The following RICTOR variants were observed in gnomAD, a reference collection of about 807,000 sequenced individuals.
RICTOR encodes the protein rapamycin-insensitive companion of mTOR.
Under a neutral mutation model 214.9 loss-of-function variants are expected in RICTOR, and 49 were observed. The observed-to-expected ratio is 0.23, with a 90% confidence interval of 0.18 to 0.29. The LOEUF (loss-of-function observed/expected upper bound fraction) is 0.29, where lower values mean the gene tolerates loss of function less well. RICTOR is among the 10% of genes least tolerant of loss of function. The probability of loss-of-function intolerance (pLI) is 1.00; values close to 1 mark genes in which losing one functional copy is unlikely to be tolerated. For missense variants in RICTOR, 1,625 were observed against 2,047.0 expected, an observed-to-expected ratio of 0.79 and a Z score of 3.98; for synonymous variants, 717 against 711.3, an observed-to-expected ratio of 1.01 and a Z score of -0.13.
rs189626571 is a variant in RICTOR, at chr5:39,070,827, G to A, written c.97+3284C>T. ...AGTCTATCCTTGCAGTACAAATGGCGAGAGGAAGCATTTGGGCTTCAAAAT... is the reference window on the plus strand; with the variant it reads ...AGTCTATCCTTGCAGTACAAATGGCAAGAGGAAGCATTTGGGCTTCAAAAT... On this transcript the variant is annotated intron_variant, in intron 2 of 37. Transcript: ENST00000357387. Among the ~76,000 whole-genome samples, 14 of 152,266 alleles carry A rather than the reference G, an allele frequency of 9.2e-5. No individual in the cohort carries two copies. In the East Asian group the frequency reaches 1.9e-3, roughly 21 times the overall value.
intron 10 of RICTOR, among the ~76,000 whole-genome samples, chr5:38,974,356 T>C (rs1397823937): frequency 6.6e-6 from 1 of 152,008 alleles, no homozygotes; most frequent in Non-Finnish European, 1.5e-5. Context: ...GATGAATCAT[T>C]ATAAAAGGGC....
chr5:39,028,175 CTTTT>C (rs70982535), intron 2 of RICTOR, among the ~76,000 whole-genome samples: 2 of 78,404 alleles, frequency 2.6e-5, no homozygotes, highest in African/African-American at 5.2e-5. Flanking sequence ...AACTGGAATT[CTTTT>C]TTTTTTTTTT....
Position 39,074,332 on chromosome 5 carries a change from G to A in RICTOR, c.46C>T (p.Arg16Ter). The change falls in exon 1 of 38, where the codon CGA (arginine) becomes TGA (stop). Residue 16 changes from arginine (R) to a stop codon, truncating the protein, a stop_gained. Transcript: ENST00000357387. LOFTEE classifies it high-confidence loss of function. ...RGRSLKNLRV[R>*]GRNDSGEENV... is the part of the protein sequence containing the mutation. The stretch of plus-strand genomic sequence containing the variant: ...GTGAGGGTTGCAGCGGGCTTACCTC[G>A]TACTCGGAGGTTCTTCAGAGAGCGG... 1 of 1,540,352 alleles carries A rather than the reference G, an allele frequency of 6.5e-7. No homozygotes were observed. Among genetic ancestry groups the A allele is most frequent in the South Asian group, 1.2e-5 (1 of 82,924 alleles).
Position 38,975,524 on chromosome 5 carries a change from T to C in RICTOR, c.889+13A>G, listed in dbSNP as rs373982836. 1.9e-6 allele frequency: 3 copies of C among 1,593,078 alleles called. No individual in the cohort carries two copies. Among genetic ancestry groups the C allele is most frequent in the African/African-American group, 1.3e-5 (1 of 74,632 alleles). Reference sequence around the variant, plus strand: ...TCTTCTTGGATGTTATAAAGCAATGTAGAGTAACCTACCTGCCCATGATCG... The same window carrying C: ...TCTTCTTGGATGTTATAAAGCAATGCAGAGTAACCTACCTGCCCATGATCG... On this transcript the variant is annotated intron_variant, in intron 10 of 37. Coordinates refer to ENST00000357387, the MANE Select transcript of RICTOR (RefSeq NM_152756.5).
At chr5:39,051,709 C>T (rs1253872215) in intron 2 of RICTOR, among the ~76,000 whole-genome samples, 4 of 151,780 alleles carry the variant, frequency 2.6e-5, no homozygotes, top group Admixed American at 1.3e-4. Flanking sequence ...GCCAAGATCA[C>T]GCCATTGCAC....
Position 38,962,532 on chromosome 5 carries a change from T to C in RICTOR, c.1621A>G (p.Lys541Glu), listed in dbSNP as rs369779198. The change falls in exon 18 of 38, where the codon AAA (lysine) becomes GAA (glutamate). Residue 541 changes from lysine (K) to glutamate (E), a missense_variant. Physicochemically the swap from Lys to Glu is moderately conservative, Grantham distance 56. Around this residue, in one of 5 missense-constraint regions of RICTOR, gnomAD observed 1,214 missense variants for 1,470.5 expected, o/e 0.83. Coordinates refer to ENST00000357387, the MANE Select transcript of RICTOR (RefSeq NM_152756.5). Reference sequence around the variant, plus strand: ...TTCCAATTCCATTCAAGATTCTCTTTATGTTGAAGGACTTGGCTATCTCTA... The same window carrying C: ...TTCCAATTCCATTCAAGATTCTCTTCATGTTGAAGGACTTGGCTATCTCTA... ...NLRDSQVLQHKENLEWNWNLI... is the reference protein window; with the variant it reads ...NLRDSQVLQHEENLEWNWNLI... 1.0e-5 allele frequency: 16 copies of C among 1,586,684 alleles called. No individual in the cohort carries two copies. The highest frequency in any genetic ancestry group is 1.2e-5 in the Non-Finnish European group (14 of 1,162,302).
rs535714482 is a variant in RICTOR at position 38,991,552 on chromosome 5, T to G, written c.457-477A>C. 1.4e-4 allele frequency among the ~76,000 whole-genome samples: 21 copies of G among 151,006 alleles called. No individual in the cohort carries two copies. The South Asian group carries it at 4.4e-3, about 32-fold the overall frequency. ...CTCCTCATGAAATTAATTGATTAAC[T>G]TGGGCCCTCACTCTCACTCTGACTA... On this transcript the variant is annotated intron_variant, in intron 6 of 37. Coordinates refer to ENST00000357387, the MANE Select transcript of RICTOR (RefSeq NM_152756.5).
intron 2 of RICTOR, among the ~76,000 whole-genome samples, chr5:39,066,248 G>T (rs1308736383): frequency 1.3e-5 from 2 of 152,246 alleles, no homozygotes; most frequent in African/African-American, 4.8e-5. Flanking sequence ...CTTTGAAGCA[G>T]CAGCCCGAAC....
chr5:38,949,472 T>A, intron 31 of RICTOR: 2 of 1,493,664 alleles, frequency 1.3e-6, no homozygotes, highest in Non-Finnish European at 1.8e-6. Context: ...GTGACTTGTA[T>A]GTCCTTTGCA....
chr5:39,035,805 A>G (rs1035872111), intron 2 of RICTOR, among the ~76,000 whole-genome samples: 25 of 152,236 alleles, frequency 1.6e-4, no homozygotes, highest in Non-Finnish European at 3.2e-4. Flanking sequence ...TCCAAGAAAT[A>G]TGGGACTATG....
At chr5:39,012,649 G>A (rs1754626489) in intron 3 of RICTOR, among the ~76,000 whole-genome samples, 1 of 152,094 alleles carries the variant, frequency 6.6e-6, no homozygotes, top group Admixed American at 6.5e-5. Context: ...TCATTAAAAT[G>A]TAATTCTGAC....
intron 5 of RICTOR, among the ~76,000 whole-genome samples, chr5:39,000,679 T>C (rs1363397349): frequency 1.3e-5 from 2 of 151,982 alleles, no homozygotes; most frequent in Non-Finnish European, 2.9e-5. Context: ...AAGGAAGATA[T>C]AAAATGGACA....
chr5:39,039,411 G>T (rs1205362461), intron 2 of RICTOR, among the ~76,000 whole-genome samples: 1 of 152,176 alleles, frequency 6.6e-6, no homozygotes, highest in East Asian at 1.9e-4. Flanking sequence ...CATGGGCAAA[G>T]ACTTCATGTC....
intron 2 of RICTOR, among the ~76,000 whole-genome samples, chr5:39,065,225 G>A (rs1758811108): frequency 6.6e-6 from 1 of 152,148 alleles, no homozygotes; most frequent in African/African-American, 2.4e-5. Context: ...AGCGTGTGCA[G>A]GCATCTCACA....
intron 2 of RICTOR, among the ~76,000 whole-genome samples, chr5:39,064,649 G>C (rs181055041): frequency 6.6e-6 from 1 of 152,092 alleles, no homozygotes; most frequent in South Asian, 2.1e-4. Context: ...ACCTGGGAGC[G>C]GGAGGAGGCA....
intron 2 of RICTOR, among the ~76,000 whole-genome samples, chr5:39,055,941 G>T (rs1039375360): frequency 6.6e-6 from 1 of 152,230 alleles, no homozygotes; most frequent in African/African-American, 2.4e-5. Flanking sequence ...TCTGGTCTCA[G>T]ATTGGATATG....
At chr5:39,066,260 G>C (rs72635284) in intron 2 of RICTOR, among the ~76,000 whole-genome samples, 1 of 152,226 alleles carries the variant, frequency 6.6e-6, no homozygotes, top group Non-Finnish European at 1.5e-5. Context: ...AGCCCGAACT[G>C]TACCTGGGCC....
rs1747437436 is a variant in RICTOR, at chr5:38,940,451, A to G, written c.*1853T>C. ...AACTCTGACATTTGGTTCTCTGGAA[A>G]GGCAGTTTAGTTATCCAAGACCAAA... On this transcript the variant is annotated 3_prime_UTR_variant, in exon 38 of 38. Coordinates refer to ENST00000357387, the MANE Select transcript of RICTOR (RefSeq NM_152756.5). The G allele has an allele frequency of 1.7e-5, 4 of 232,650 alleles. No individual in the cohort carries two copies. Among genetic ancestry groups the G allele is most frequent in the Non-Finnish European group, 3.4e-5 (4 of 117,488 alleles). The allele number at this position is 232,650 out of a possible 1,614,324, so 14.4% of individuals were successfully genotyped here.
rs779552485 is a variant in RICTOR, at chr5:38,950,102, T to A, written c.3746A>T (p.Asp1249Val). ...ETVGVDATTM[D>V]TDCGSMSTVV... ...AGTACTCATGCTTCCACAGTCTGTG[T>A]CCATAGTTGTAGCATCTACACCTAC... The change falls in exon 31 of 38, where the codon GAC becomes GTC. Residue 1249 changes from aspartate (D) to valine (V), a missense_variant. Coordinates refer to ENST00000357387, the MANE Select transcript of RICTOR (RefSeq NM_152756.5). The A allele has an allele frequency of 6.2e-7, 1 of 1,613,108 alleles. No homozygotes were observed. The highest frequency in any genetic ancestry group is 8.5e-7 in the Non-Finnish European group (1 of 1,179,586).
Sources: allele counts gnomAD v4.1 joint callset (sites outside exome capture counted in the v4.1 genomes callset), GRCh38; gene constraint gnomAD v4.1.1; regional missense constraint gnomAD v4.1.1; transcripts MANE v1.5; gene names NCBI Gene and HGNC (gene_info 2026-07-23, HGNC 2026-07-21).